Variants in TPM1 observed in about 807,000 individuals in gnomAD.
TPM1 encodes tropomyosin alpha-1 chain.
A neutral mutation model predicts 42.9 loss-of-function variants in TPM1; 24 were observed. The observed-to-expected ratio is 0.56, with a 90% CI of 0.41 to 0.79. The LOEUF (loss-of-function observed/expected upper bound fraction) is 0.79. Ranked by LOEUF, TPM1 falls within the 30% of genes least tolerant of loss-of-function variation. The pLI is 0.00. For synonymous variants in TPM1, 136 were observed against 130.1 expected, an observed-to-expected ratio of 1.05 and a Z score of -0.31; for missense variants, 158 against 351.8, an observed-to-expected ratio of 0.45 and a Z score of 4.41.
rs115280766 is a variant in TPM1 at position 63,056,775 on chromosome 15, G to A, written c.241-210G>A. ...ATGAGAATTGTGTGTATAGATTTGT[G>A]TATACACAAATATGGATGTTCACTG... On this transcript the variant is annotated intron_variant, in intron 2 of 9. Coordinates refer to ENST00000403994, the MANE Select transcript of TPM1 (RefSeq NM_001018005.2). 1,028 of 654,720 alleles carry A rather than the reference G, an allele frequency of 1.6e-3. 6 individuals carry two copies. The African/African-American group carries it at 0.017, about 11-fold the overall frequency. The allele number at this position is 654,720 out of a possible 1,614,324, so 40.6% of individuals were successfully genotyped here. A position where few individuals can be genotyped will look rare whatever the true frequency, so the allele number is the denominator to read the frequency against.
chr15:63,065,744 C>T (rs2036207250), intron 9 of TPM1, 152 bp from the exon 10 acceptor site: 3 of 875,074 alleles, frequency 3.4e-6, no homozygotes, highest in South Asian at 5.3e-5. Context: ...AGATGGATGT[C>T]CTTCCAAGGG....
At chr15:63,066,300 T>C (rs1412290447), downstream of TPM1, 1 of 485,390 alleles carries the variant, frequency 2.1e-6, no homozygotes, top group South Asian at 3.3e-5. Flanking sequence ...CAGGCCTGCA[T>C]TCCCTCTCAG....
chr15:63,069,825 T>C (rs779701994), downstream of TPM1: 3 of 1,613,418 alleles, frequency 1.9e-6, no homozygotes, highest in South Asian at 3.3e-5. Flanking sequence ...CTAACCTGTC[T>C]TCCTTCTGCC....
downstream of TPM1, chr15:63,069,938 G>T: frequency 6.2e-7 from 1 of 1,614,038 alleles, no homozygotes; most frequent in Non-Finnish European, 8.5e-7. Flanking sequence ...CCTGAATGAG[G>T]ATTAAACTTA....
chr15:63,061,445 C>T (rs2035609398), intron 5 of TPM1: 2 of 784,148 alleles, frequency 2.6e-6, no homozygotes, highest in African/African-American at 1.7e-5. Flanking sequence ...GTTTTCCCTT[C>T]ATAAATGCTC....
chr15:63,046,140 G>C (rs1199938328), intron 2 of TPM1: 1 of 152,174 alleles, frequency 6.6e-6, no homozygotes, highest in Non-Finnish European at 1.5e-5. Context: ...CTACAAACTT[G>C]TACAGTGTGT....
intron 2 of TPM1, chr15:63,048,624 C>T (rs1285220670): frequency 3.9e-6 from 6 of 1,536,876 alleles, no homozygotes; most frequent in Admixed American, 2.0e-5. Context: ...GATCCGGAGC[C>T]TGCAGGAGCA....
chr15:63,046,470 T>C (rs1490589430), intron 2 of TPM1: 1 of 152,224 alleles, frequency 6.6e-6, no homozygotes, highest in Admixed American at 6.5e-5. Context: ...TAAAACACTT[T>C]TACATTTTTC....
chr15:63,062,652 T>C lies in TPM1; in HGVS notation c.772+7T>C. 6.2e-7 allele frequency: 1 copy of C among 1,614,222 alleles called. No homozygotes were observed. Among genetic ancestry groups the C allele is most frequent in the Non-Finnish European group, 8.5e-7 (1 of 1,180,034 alleles). On this transcript the variant is annotated splice_region_variant and intron_variant, in intron 8 of 9. Coordinates refer to ENST00000403994, the MANE Select transcript of TPM1 (RefSeq NM_001018005.2). ...AGCATTGATGACTTAGAAGGTAAGA[T>C]CTTAAGTAGTGTTTTTAGTTTAATC... is the stretch of plus-strand genomic sequence containing the variant.
chr15:63,051,748 T>C (rs1009761681), intron 2 of TPM1, among the ~76,000 whole-genome samples: 2 of 152,226 alleles, frequency 1.3e-5, no homozygotes, highest in East Asian at 1.9e-4. Flanking sequence ...TTCTAGATTA[T>C]AATATTCTCC....
At chr15:63,053,108 C>T (rs968391183) in intron 2 of TPM1, among the ~76,000 whole-genome samples, 8 of 152,170 alleles carry the variant, frequency 5.3e-5, no homozygotes, top group Non-Finnish European at 7.4e-5. Context: ...GACTTCTGGG[C>T]TAGGGAGTAA....
chr15:63,048,808 C>T, intron 2 of TPM1: 4 of 1,463,636 alleles, frequency 2.7e-6, no homozygotes, highest in Non-Finnish European at 3.7e-6. Flanking sequence ...CCCGGTCCCT[C>T]GTCCCCACGC....
chr15:63,068,919 C>T (rs577890722), downstream of TPM1, among the ~76,000 whole-genome samples: 17 of 152,020 alleles, frequency 1.1e-4, no homozygotes, highest in Non-Finnish European at 2.2e-4. Context: ...GAGGCTGAGG[C>T]GGGCGGATCA....
downstream of TPM1, chr15:63,070,590 A>AT (rs2036554370): frequency 2.0e-6 from 2 of 1,007,552 alleles, no homozygotes; most frequent in Non-Finnish European, 2.4e-6. Flanking sequence ...CATGTTGACA[A>AT]TTTTTTATGA....
chr15:63,059,617 T>G lies in TPM1; in HGVS notation c.429T>G (p.Ile143Met). 6.2e-7 allele frequency: 1 copy of G among 1,612,442 alleles called. No homozygotes were observed. The highest frequency in any genetic ancestry group is 8.5e-7 in the Non-Finnish European group (1 of 1,179,000). ...AAAAAGATGAAGAAAAAATGGAAAT[T>G]CAGGAGATCCAACTGAAAGAGGCCA... is the stretch of plus-strand genomic sequence containing the variant. ...RAQKDEEKME[I>M]QEIQLKEAKH... The change falls in exon 4 of 10, where the codon ATT becomes ATG. Residue 143 changes from isoleucine to methionine, a missense_variant. This residue lies in a region of TPM1 where 65 missense variants were observed against 208.8 expected (regional missense o/e 0.31). Transcript: ENST00000403994.
At position 63,056,799 on chromosome 15, in the gene TPM1, T is replaced by A. The variant is rs1049736944; in HGVS notation, c.241-186T>A. On this transcript the variant is annotated intron_variant, in intron 2 of 9. Transcript: ENST00000403994. ...TGTATACACAAATATGGATGTTCACTGTATAAATCAATGTGTAAATGTGTC... is the reference window on the plus strand; with the variant it reads ...TGTATACACAAATATGGATGTTCACAGTATAAATCAATGTGTAAATGTGTC... 1.1e-5 allele frequency: 8 copies of A among 729,214 alleles called. No individual in the cohort carries two copies. In the African/African-American group the frequency reaches 1.4e-4, roughly 13 times the overall value. 45.2% of individuals were successfully genotyped at this position (729,214 alleles called of 1,614,324 possible). A position where few individuals can be genotyped will look rare whatever the true frequency, so the allele number is the denominator to read the frequency against.
downstream of TPM1, among the ~76,000 whole-genome samples, chr15:63,068,707 T>C (rs999002578): frequency 7.2e-5 from 11 of 152,218 alleles, no homozygotes; most frequent in African/African-American, 2.7e-4. Flanking sequence ...AGATACAGAC[T>C]GACTCCTGCA....
At chr15:63,054,860 ATTTTG>A (rs1473486913) in intron 2 of TPM1, among the ~76,000 whole-genome samples, 1 of 152,006 alleles carries the variant, frequency 6.6e-6, no homozygotes, top group African/African-American at 2.4e-5. Context: ...GTGGCTTTAA[ATTTTG>A]TTTTGTTTTG....
chr15:63,064,617 A>C, intron 9 of TPM1: 1 of 1,028,056 alleles, frequency 9.7e-7, no homozygotes, highest in South Asian at 3.6e-5. Flanking sequence ...AATTGGCATG[A>C]TCCAATACAG....
Sources: gnomAD v4.1 joint callset for allele counts (sites outside exome capture counted in the v4.1 genomes callset) on GRCh38, gnomAD v4.1.1 for gene constraint, gnomAD v4.1.1 regional missense constraint, MANE v1.5 for transcripts, NCBI Gene and HGNC (gene_info 2026-07-23, HGNC 2026-07-21) for gene names.